ABL2: variants seen among roughly 807,000 people sequenced by gnomAD.
ABL2 encodes the protein tyrosine-protein kinase ABL2.
In ABL2, 49 loss-of-function variants were observed where a neutral mutation model predicts 107.7. That is an observed-to-expected ratio of 0.45 (90% CI 0.36 to 0.58). The LOEUF is 0.58. ABL2 is among the 20% of genes least tolerant of loss of function. The pLI, the probability that ABL2 is intolerant of heterozygous loss-of-function variation, is 0.00. For missense variants in ABL2, 1,245 were observed against 1,457.0 expected (o/e 0.85, Z 2.37); for synonymous variants, 549 against 548.6 (o/e 1.00, Z -0.01).
intron 10 of ABL2, among the ~76,000 whole-genome samples, chr1:179,111,372 G>A (rs1026460438): frequency 9.3e-5 from 13 of 139,690 alleles, no homozygotes; most frequent in African/African-American, 1.9e-4. Flanking sequence ...TGCAACTTCC[G>A]TCTCCCGGGT....
chr1:179,138,299 G>T (rs1027633197), intron 1 of ABL2, among the ~76,000 whole-genome samples: 6 of 152,102 alleles, frequency 3.9e-5, no homozygotes, highest in Admixed American at 3.9e-4. Flanking sequence ...AGGTCTTGCC[G>T]TGTTGTCCAG....
chr1:179,183,235 C>T (rs146664143), intron 1 of ABL2, among the ~76,000 whole-genome samples: 1,843 of 151,928 alleles, frequency 0.012, 22 homozygotes, highest in Non-Finnish European at 0.015. Flanking sequence ...GTGGGTGGGG[C>T]GGGAGGTGAG....
chr1:179,101,183 T>C lies in ABL2; in HGVS notation c.*6535A>G, dbSNP rs1398609746. On this transcript the variant is annotated 3_prime_UTR_variant, in exon 12 of 12. Coordinates refer to ENST00000502732, the MANE Select transcript of ABL2 (RefSeq NM_007314.4). ...TCTCTGAGACTCATGAAACCCATCT[T>C]TGAAGGCACAAATCTCCAAGGGTGG... is the stretch of plus-strand genomic sequence containing the variant. 4 of 227,636 alleles carry C rather than the reference T, an allele frequency of 1.8e-5. No individual in the cohort carries two copies. Among genetic ancestry groups the C allele is most frequent in the Admixed American group, 5.7e-5 (1 of 17,608 alleles). The allele number at this position is 227,636 out of a possible 1,614,324, so 14.1% of individuals were successfully genotyped here. A position where few individuals can be genotyped will look rare whatever the true frequency, so the allele number is the denominator to read the frequency against.
intron 5 of ABL2, 85 bp from the exon 6 acceptor site, chr1:179,120,359 A>C: frequency 1.4e-6 from 1 of 695,380 alleles, no homozygotes; most frequent in Non-Finnish European, 2.4e-6. Context: ...CACAATCATA[A>C]AGCTTCAGCT....
At position 179,104,113 on chromosome 1, in the gene ABL2, T is replaced by C. The variant is rs1025979161; in HGVS notation, c.*3605A>G. 3 of 232,230 alleles carry C rather than the reference T, an allele frequency of 1.3e-5. No homozygotes were observed. The highest frequency in any genetic ancestry group is 6.6e-5 in the African/African-American group (3 of 45,290). The allele number at this position is 232,230 out of a possible 1,614,324, so 14.4% of individuals were successfully genotyped here. ...GCATCCCTAGACTAGGTGTTAATAA[T>C]AGTAGTAGTAGAACATTTATAGAGT... On this transcript the variant is annotated 3_prime_UTR_variant, in exon 12 of 12. Coordinates refer to ENST00000502732, the MANE Select transcript of ABL2 (RefSeq NM_007314.4).
At chr1:179,193,741 T>G (rs1035720500) in intron 1 of ABL2, among the ~76,000 whole-genome samples, 23 of 151,528 alleles carry the variant, frequency 1.5e-4, no homozygotes, top group African/African-American at 3.1e-4. Context: ...GTTTTTTTGG[T>G]TTTTTTTGGA....
chr1:179,191,147 T>C (rs115978683), intron 1 of ABL2, among the ~76,000 whole-genome samples: 1 of 152,310 alleles, frequency 6.6e-6, no homozygotes, highest in East Asian at 1.9e-4. Context: ...AAACCCAGAA[T>C]GATGACAGTA....
chr1:179,179,778 A>G (rs1208340002), intron 1 of ABL2, among the ~76,000 whole-genome samples: 2 of 152,060 alleles, frequency 1.3e-5, no homozygotes, highest in African/African-American at 4.8e-5. Flanking sequence ...CAACTGTGAT[A>G]TATATTAATA....
intron 1 of ABL2, among the ~76,000 whole-genome samples, chr1:179,181,617 G>A (rs748640590): frequency 6.6e-6 from 1 of 152,038 alleles, no homozygotes; most frequent in African/African-American, 2.4e-5. Context: ...ACACTCTAAT[G>A]CACCCTGTCA....
intron 11 of ABL2, among the ~76,000 whole-genome samples, chr1:179,109,711 G>T (rs1653849115): frequency 1.3e-5 from 2 of 152,098 alleles, no homozygotes; most frequent in Non-Finnish European, 2.9e-5. Flanking sequence ...GGAGGATCAG[G>T]AGGTCAGGAG....
intron 1 of ABL2, among the ~76,000 whole-genome samples, chr1:179,166,052 C>T (rs1454275001): frequency 6.6e-6 from 1 of 152,176 alleles, no homozygotes; most frequent in African/African-American, 2.4e-5. Flanking sequence ...CCGCCTCGGC[C>T]TCCCTAAGTG....
chr1:179,126,608 A>G lies in ABL2; in HGVS notation c.456T>C (p.Asn152=), dbSNP rs371870650. ...AGTTGCTTGGCACCCAGCCCTGCCC[A>G]TTCTTAGAGCGAACTTCACTCCACT... The part of the protein sequence containing the change: ...NGEWSEVRSK[N]GQGWVPSNYI... Residue 152 remains asparagine (N), a synonymous_variant, in exon 4 of 12, where the codon AAT becomes AAC. Coordinates refer to ENST00000502732, the MANE Select transcript of ABL2 (RefSeq NM_007314.4). This position sits in a 1 kb window ranked among gnomAD's most constrained non-coding sequence, Gnocchi z 4.4. 3.1e-6 allele frequency: 5 copies of G among 1,614,034 alleles called. No homozygotes were observed. The African/African-American group carries it at 6.7e-5, about 22-fold the overall frequency.
At chr1:179,110,218 A>G (rs966643667) in intron 11 of ABL2, 64 bp downstream of exon 11, 12 of 1,583,828 alleles carry the variant, frequency 7.6e-6, no homozygotes, top group Non-Finnish European at 1.0e-5. Flanking sequence ...TAAAAGCCTC[A>G]CACCCCATGC....
rs1327748194 is a variant in ABL2, at chr1:179,224,155, A to C, written c.157+5086T>G. Among the ~76,000 whole-genome samples the C allele has an allele frequency of 2.0e-5, 3 of 150,162 alleles. No individual in the cohort carries two copies. In the East Asian group the frequency reaches 5.8e-4, roughly 29 times the overall value. On this transcript the variant is annotated intron_variant, in intron 1 of 11. Coordinates refer to ENST00000502732, the MANE Select transcript of ABL2 (RefSeq NM_007314.4). ...ACTACAAAAAAAAAAAAAAAAAAAA[A>C]AAACTACAGATCCAAAATAAAAAAT...
chr1:179,229,208 C>CCCCCCCCCCCCCAAAA, intron 1 of ABL2, 33 bp downstream of exon 1: 2 of 1,488,054 alleles, frequency 1.3e-6, no homozygotes, highest in Non-Finnish European at 1.8e-6. Flanking sequence ...CGGCCTCCCC[C>CCCCCCCCCCCCCAAAA]ACGCTCTCAT....
intron 1 of ABL2, among the ~76,000 whole-genome samples, chr1:179,218,399 C>CTT (rs1372627316): frequency 7.6e-6 from 1 of 131,588 alleles, no homozygotes; most frequent in Non-Finnish European, 1.7e-5. Flanking sequence ...ATCAAGTACT[C>CTT]TTTTCTTTTC....
intron 1 of ABL2, among the ~76,000 whole-genome samples, chr1:179,186,008 G>T (rs1404154823): frequency 6.6e-6 from 1 of 152,102 alleles, no homozygotes; most frequent in Non-Finnish European, 1.5e-5. Flanking sequence ...ACTCTGGGAG[G>T]CCCGGGCGGG....
In ABL2 at chr1:179,110,191, G is replaced by A. The variant is rs543057807; in HGVS notation, c.1825+91C>T. 1.2e-4 allele frequency: 167 copies of A among 1,441,218 alleles called. No homozygotes were observed. The African/African-American group carries it at 1.4e-3, about 12-fold the overall frequency. The allele number at this position is 1,441,218 out of a possible 1,614,324, so 89.3% of individuals were successfully genotyped here. A position where few individuals can be genotyped will look rare whatever the true frequency, so the allele number is the denominator to read the frequency against. Reference sequence around the variant, plus strand: ...ACGCCATGCTTTCCCCAGGGAGGACGGGCATGAAAGTGGACATAAAAGCCT... The same window carrying A: ...ACGCCATGCTTTCCCCAGGGAGGACAGGCATGAAAGTGGACATAAAAGCCT... On this transcript the variant is annotated intron_variant, in intron 11 of 11. Transcript: ENST00000502732.
intron 1 of ABL2, among the ~76,000 whole-genome samples, chr1:179,207,145 T>A (rs1459631024): frequency 1.3e-5 from 2 of 151,182 alleles, no homozygotes; most frequent in Non-Finnish European, 2.9e-5. Context: ...AGTCAGCTCC[T>A]CTGATTCTCC....
Sources: allele counts gnomAD v4.1 joint callset (sites outside exome capture counted in the v4.1 genomes callset), GRCh38; gene constraint gnomAD v4.1.1; non-coding constraint Gnocchi (gnomAD v3.1); transcripts MANE v1.5; gene names NCBI Gene and HGNC (gene_info 2026-07-23, HGNC 2026-07-21).